The following SETBP1 variants were observed in gnomAD, a reference collection of about 807,000 sequenced individuals.
SETBP1 encodes SET-binding protein.
SETBP1 carries 9 observed loss-of-function variants against 101.0 expected under a neutral mutation model. That is an observed-to-expected ratio of 0.09 (90% CI 0.05 to 0.16). The LOEUF (loss-of-function observed/expected upper bound fraction) is 0.16, where lower values mean the gene tolerates loss of function less well. Ranked by LOEUF, SETBP1 falls within the 10% of genes least tolerant of loss-of-function variation. The pLI is 1.00. For missense variants in SETBP1, 1,858 were observed against 2,033.8 expected (o/e 0.91, Z 1.66); for synonymous variants, 818 against 788.5 (o/e 1.04, Z -0.63).
At chr18:44,703,154 G>T (rs2144208530) in intron 2 of SETBP1, among the ~76,000 whole-genome samples, 1 of 152,218 alleles carries the variant, frequency 6.6e-6, no homozygotes, top group East Asian at 1.9e-4. Flanking sequence ...GATGGCTCTA[G>T]AAGAAGCCCT....
chr18:44,873,149 A>G (rs1215456963), intron 3 of SETBP1, among the ~76,000 whole-genome samples: 1 of 152,198 alleles, frequency 6.6e-6, no homozygotes, highest in Non-Finnish European at 1.5e-5. Flanking sequence ...ACTTTCACTC[A>G]CTTAGTTGCC....
intron 4 of SETBP1, among the ~76,000 whole-genome samples, chr18:44,999,276 A>G (rs1363006765): frequency 6.6e-6 from 1 of 152,158 alleles, no homozygotes; most frequent in Non-Finnish European, 1.5e-5. Flanking sequence ...TCAGCCCTAT[A>G]GTGGCTGACC....
Position 44,950,885 on chromosome 18 carries a change from C to A in SETBP1, c.1545C>A (p.Ser515=). ...TPPTCTDHSP[S]RKLPEIQHPK... ...CAACGTGCACAGATCACTCTCCATC[C>A]AGAAAGCTGCCAGAAATCCAGCATC... The change falls in exon 4 of 6, where the codon TCC becomes TCA. Residue 515 remains serine (S), a synonymous_variant. Transcript: ENST00000649279. 6.2e-7 allele frequency: 1 copy of A among 1,614,152 alleles called. No homozygotes were observed. The highest frequency in any genetic ancestry group is 8.5e-7 in the Non-Finnish European group (1 of 1,180,036).
At chr18:44,942,246 A>G (rs1244672719) in intron 3 of SETBP1, among the ~76,000 whole-genome samples, 2 of 152,048 alleles carry the variant, frequency 1.3e-5, no homozygotes, top group African/African-American at 4.8e-5. Context: ...AAGCCTCCCC[A>G]CTCTGTCTGG....
intron 4 of SETBP1, among the ~76,000 whole-genome samples, chr18:44,996,305 C>T (rs9944539): frequency 0.04 from 6,156 of 152,184 alleles, 432 homozygotes; most frequent in African/African-American, 0.14. Context: ...GCCTGCTCAC[C>T]CGGGGCCAGA....
intron 3 of SETBP1, among the ~76,000 whole-genome samples, chr18:44,899,255 TC>T (rs2069979888): frequency 6.6e-6 from 1 of 152,332 alleles, no homozygotes; most frequent in South Asian, 2.1e-4. Context: ...CTAAATATTC[TC>T]TAGAACAAAG....
chr18:44,953,650 A>C lies in SETBP1; in HGVS notation c.4000+310A>C, dbSNP rs189032118. On this transcript the variant is annotated intron_variant, in intron 4 of 5. Transcript: ENST00000649279. ...TTAAAGATGCTGTTCTTAGGTCCTCATCTGATCTAATGGTACAGTTTGCTG... is the reference window on the plus strand; with the variant it reads ...TTAAAGATGCTGTTCTTAGGTCCTCCTCTGATCTAATGGTACAGTTTGCTG... Among the ~76,000 whole-genome samples the C allele has an allele frequency of 2.2e-3, 340 of 152,302 alleles. 2 individuals are homozygous for C. The highest frequency in any genetic ancestry group is 7.7e-3 in the African/African-American group (319 of 41,564).
intron 3 of SETBP1, among the ~76,000 whole-genome samples, chr18:44,875,598 G>A (rs1490143825): frequency 2.0e-5 from 3 of 149,960 alleles, no homozygotes; most frequent in Non-Finnish European, 3.0e-5. Context: ...ACTGAGCCTC[G>A]TTAGACTCAA....
chr18:44,767,162 A>G (rs1405432702), intron 2 of SETBP1, among the ~76,000 whole-genome samples: 1 of 152,252 alleles, frequency 6.6e-6, no homozygotes, highest in Admixed American at 6.5e-5. Context: ...GAGCTCCCAC[A>G]GGAAGTAGTC....
chr18:44,835,239 G>A (rs147579693), intron 2 of SETBP1, among the ~76,000 whole-genome samples: 1 of 152,226 alleles, frequency 6.6e-6, no homozygotes, highest in African/African-American at 2.4e-5. Flanking sequence ...TCCCCTCCAA[G>A]GGAGGGGCTC....
In SETBP1 at chr18:44,725,534, G is replaced by A. The variant is rs148380149; in HGVS notation, c.486+23702G>A. Among the ~76,000 whole-genome samples, 333 of 152,276 alleles carry A rather than the reference G, an allele frequency of 2.2e-3. 1 individual carries two copies. Among genetic ancestry groups the A allele is most frequent in the Non-Finnish European group, 3.5e-3 (235 of 68,022 alleles). The stretch of plus-strand genomic sequence containing the variant: ...CGGCTTTCATATTTTAGGAGCACAG[G>A]TTCATTTTGTTTTCTAGGCTGACAG... On this transcript the variant is annotated intron_variant, in intron 2 of 5. Coordinates refer to ENST00000649279, the MANE Select transcript of SETBP1 (RefSeq NM_015559.3).
At chr18:44,886,072 T>C (rs1318281558) in intron 3 of SETBP1, among the ~76,000 whole-genome samples, 1 of 152,050 alleles carries the variant, frequency 6.6e-6, no homozygotes, top group African/African-American at 2.4e-5. Flanking sequence ...AAAAGTCTCA[T>C]GCACGGGAAA....
At chr18:44,971,222 T>A (rs1420594813) in intron 4 of SETBP1, among the ~76,000 whole-genome samples, 2 of 152,220 alleles carry the variant, frequency 1.3e-5, no homozygotes, top group Non-Finnish European at 2.9e-5. Context: ...TTTTTATGGC[T>A]GCATAGTATT....
At chr18:44,758,133 C>T (rs947399007) in intron 2 of SETBP1, among the ~76,000 whole-genome samples, 2 of 152,080 alleles carry the variant, frequency 1.3e-5, no homozygotes, top group Non-Finnish European at 2.9e-5. Flanking sequence ...ATTTTGCCAC[C>T]GATGCAGGGA....
intron 2 of SETBP1, among the ~76,000 whole-genome samples, chr18:44,852,527 A>C (rs889831389): frequency 2.6e-5 from 4 of 152,078 alleles, no homozygotes; most frequent in African/African-American, 7.2e-5. Context: ...TGGCCATGTG[A>C]TCTATCAGGG....
At chr18:44,795,176 A>G (rs1478227354) in intron 2 of SETBP1, among the ~76,000 whole-genome samples, 3 of 152,156 alleles carry the variant, frequency 2.0e-5, no homozygotes, top group Admixed American at 1.3e-4. Context: ...TTCCATGGAT[A>G]TTTTCCCACT....
chr18:44,929,341 C>T (rs938478026), intron 3 of SETBP1, among the ~76,000 whole-genome samples: 8 of 152,038 alleles, frequency 5.3e-5, no homozygotes, highest in African/African-American at 1.7e-4. Flanking sequence ...ACTGTACCCT[C>T]GTAGTATAGT....
intron 2 of SETBP1, among the ~76,000 whole-genome samples, chr18:44,774,517 G>C (rs2070949724): frequency 6.6e-6 from 1 of 152,122 alleles, no homozygotes; most frequent in Admixed American, 6.6e-5. Flanking sequence ...TCCTCTGATG[G>C]ATCACTGCTA....
At position 45,052,706 on chromosome 18, in the gene SETBP1, T is replaced by A. The variant is rs114866475; in HGVS notation, c.4172-10373T>A. The stretch of plus-strand genomic sequence containing the variant: ...AAAGTCGAAAGCAATTGGTGTGAAT[T>A]GCTTGTTGTTTTTAGGGAGAATACA... On this transcript the variant is annotated intron_variant, in intron 5 of 5. Transcript: ENST00000649279. Among the ~76,000 whole-genome samples, 1,302 of 152,324 alleles carry A rather than the reference T, an allele frequency of 8.5e-3. 21 individuals carry two copies. The highest frequency in any genetic ancestry group is 0.029 in the African/African-American group (1,211 of 41,568).
Sources: allele counts gnomAD v4.1 joint callset (sites outside exome capture counted in the v4.1 genomes callset), GRCh38; gene constraint gnomAD v4.1.1; transcripts MANE v1.5; gene names NCBI Gene and HGNC (gene_info 2026-07-23, HGNC 2026-07-21).